PTPN13: variants seen among roughly 807,000 people sequenced by gnomAD.
PTPN13 encodes tyrosine-protein phosphatase non-receptor type 13.
PTPN13 carries 191 observed loss-of-function variants against 284.0 expected under a neutral mutation model. The ratio of observed to expected loss-of-function variants is 0.67; its 90% CI spans 0.60 to 0.76. The LOEUF is 0.76. PTPN13 is among the 30% of genes least tolerant of loss of function. PTPN13 has a pLI of 0.00. For missense variants in PTPN13, 2,797 were observed against 2,939.9 expected, an observed-to-expected ratio of 0.95 and a Z score of 1.12; for synonymous variants, 986 against 1,022.3, an observed-to-expected ratio of 0.96 and a Z score of 0.68.
chr4:86,759,778 T>G (rs1738451107), intron 23 of PTPN13, among the ~76,000 whole-genome samples: 2 of 152,198 alleles, frequency 1.3e-5, no homozygotes, highest in African/African-American at 2.4e-5. Flanking sequence ...CATGCTTATC[T>G]TATAGATTAT....
intron 40 of PTPN13, among the ~76,000 whole-genome samples, chr4:86,789,723 G>A (rs1742394048): frequency 6.6e-6 from 1 of 151,966 alleles, no homozygotes; most frequent in Non-Finnish European, 1.5e-5. Context: ...CTCTTCCAAA[G>A]GTCCTTCAGT....
In PTPN13 at chr4:86,651,450, C is replaced by A. The variant is rs114403454; in HGVS notation, c.115+16079C>A. ...CCCTCCCTTCCTTCCTTCCTTCCTT[C>A]CTGATGTTTTTTTGTCTGGTTTTAA... is the stretch of plus-strand genomic sequence containing the variant. On this transcript the variant is annotated intron_variant, in intron 2 of 47. Coordinates refer to ENST00000411767, the MANE Select transcript of PTPN13 (RefSeq NM_080683.3). 2.4e-3 allele frequency among the ~76,000 whole-genome samples: 355 copies of A among 150,452 alleles called. 1 individual carries two copies. The highest frequency in any genetic ancestry group is 8.3e-3 in the African/African-American group (340 of 41,156).
chr4:86,638,056 C>T (rs1409937144), intron 2 of PTPN13, among the ~76,000 whole-genome samples: 1 of 152,076 alleles, frequency 6.6e-6, no homozygotes, highest in Non-Finnish European at 1.5e-5. Flanking sequence ...AGAGCCAAAT[C>T]ATGAGTGAAC....
intron 1 of PTPN13, among the ~76,000 whole-genome samples, chr4:86,612,728 G>A (rs1048383118): frequency 3.9e-5 from 6 of 152,168 alleles, no homozygotes; most frequent in African/African-American, 1.2e-4. Context: ...GGGACAGAGA[G>A]AGGAAATTGG....
intron 31 of PTPN13, 143 bp from the exon 32 acceptor site, chr4:86,772,635 G>C: frequency 1.6e-6 from 1 of 630,564 alleles, no homozygotes; most frequent in Non-Finnish European, 2.7e-6. Flanking sequence ...TAAATTCATA[G>C]TCCAGAGTCA....
intron 7 of PTPN13, among the ~76,000 whole-genome samples, 177 bp downstream of exon 7, chr4:86,701,978 T>C (rs10516776): frequency 0.049 from 7,520 of 152,256 alleles, 257 homozygotes; most frequent in African/African-American, 0.071. Flanking sequence ...AAACCCTAAT[T>C]GAAATACTCT....
intron 15 of PTPN13, among the ~76,000 whole-genome samples, chr4:86,738,296 C>T (rs1735758774): frequency 6.6e-6 from 1 of 152,138 alleles, no homozygotes; most frequent in African/African-American, 2.4e-5. Flanking sequence ...AAACTGTTTT[C>T]CAAAATCATT....
At chr4:86,787,718 A>G (rs1257358266) in intron 40 of PTPN13, among the ~76,000 whole-genome samples, 1 of 152,238 alleles carries the variant, frequency 6.6e-6, no homozygotes, top group Non-Finnish European at 1.5e-5. Context: ...GTATACATAC[A>G]TAATTTTTTA....
chr4:86,596,871 C>A (rs2149135684), intron 1 of PTPN13, among the ~76,000 whole-genome samples: 1 of 152,216 alleles, frequency 6.6e-6, no homozygotes. Flanking sequence ...CATTTTTATG[C>A]ATAATTAAAT....
chr4:86,797,415 C>T (rs1743467648), intron 41 of PTPN13, among the ~76,000 whole-genome samples: 1 of 151,818 alleles, frequency 6.6e-6, no homozygotes, highest in South Asian at 2.1e-4. Flanking sequence ...TTGCTGGAAC[C>T]CAGGAGGTGG....
At chr4:86,760,825 T>C (rs1229765090) in intron 23 of PTPN13, among the ~76,000 whole-genome samples, 1 of 152,086 alleles carries the variant, frequency 6.6e-6, no homozygotes, top group East Asian at 1.9e-4. Context: ...AATCTTATCA[T>C]GGTATGTAAC....
At chr4:86,772,269 C>G (rs1212991396) in intron 31 of PTPN13, among the ~76,000 whole-genome samples, 1 of 152,014 alleles carries the variant, frequency 6.6e-6, no homozygotes, top group Non-Finnish European at 1.5e-5. Context: ...CAAAATAGAA[C>G]CTAGGCCGGC....
intron 2 of PTPN13, among the ~76,000 whole-genome samples, chr4:86,636,337 T>A (rs937574401): frequency 6.6e-6 from 1 of 152,228 alleles, no homozygotes; most frequent in Non-Finnish European, 1.5e-5. Context: ...CATCCTTTGG[T>A]TGTCCAAAAA....
intron 15 of PTPN13, among the ~76,000 whole-genome samples, chr4:86,739,493 T>C (rs1735917872): frequency 6.6e-6 from 1 of 152,128 alleles, no homozygotes; most frequent in South Asian, 2.1e-4. Flanking sequence ...ACTTACTCAC[T>C]ATCATGAGAA....
At chr4:86,693,320 A>T (rs1201610469) in intron 5 of PTPN13, among the ~76,000 whole-genome samples, 1 of 152,154 alleles carries the variant, frequency 6.6e-6, no homozygotes, top group African/African-American at 2.4e-5. Context: ...AACAAGTTTA[A>T]TCTGATGGTA....
At chr4:86,620,943 T>A (rs980018742) in intron 1 of PTPN13, among the ~76,000 whole-genome samples, 6 of 152,352 alleles carry the variant, frequency 3.9e-5, no homozygotes, top group African/African-American at 1.4e-4. Flanking sequence ...TCTTTTTGTT[T>A]AGGTATCTGT....
intron 10 of PTPN13, among the ~76,000 whole-genome samples, chr4:86,731,036 A>G (rs1734887441): frequency 6.6e-6 from 1 of 152,198 alleles, no homozygotes; most frequent in Non-Finnish European, 1.5e-5. Context: ...TTACTTTTAC[A>G]TAAATGGTAT....
intron 42 of PTPN13, among the ~76,000 whole-genome samples, chr4:86,800,886 A>G (rs1450896785): frequency 6.6e-6 from 1 of 152,120 alleles, no homozygotes; most frequent in East Asian, 1.9e-4. Context: ...TGTAAAAGTT[A>G]TTTCATATGA....
At chr4:86,633,184 T>A (rs1012503639) in intron 1 of PTPN13, among the ~76,000 whole-genome samples, 1 of 152,152 alleles carries the variant, frequency 6.6e-6, no homozygotes, top group African/African-American at 2.4e-5. Flanking sequence ...TTTAGGACAT[T>A]TTAATCCTCT....
Sources: gnomAD v4.1 joint callset for allele counts (sites outside exome capture counted in the v4.1 genomes callset) on GRCh38, gnomAD v4.1.1 for gene constraint, MANE v1.5 for transcripts, NCBI Gene and HGNC (gene_info 2026-07-23, HGNC 2026-07-21) for gene names.